The following ZIM2 variants were observed in gnomAD, a reference collection of about 807,000 sequenced individuals.
ZIM2 encodes zinc finger protein 656.
In ZIM2, 14 loss-of-function variants were observed where a neutral mutation model predicts 38.6. That is an observed-to-expected ratio of 0.36 (90% confidence interval 0.24 to 0.57). The LOEUF (loss-of-function observed/expected upper bound fraction) is 0.57. Ranked by LOEUF, ZIM2 falls within the 20% of genes least tolerant of loss-of-function variation. The pLI is 0.81. For synonymous variants in ZIM2, 247 were observed against 245.8 expected, an observed-to-expected ratio of 1.00 and a Z score of -0.04; for missense variants, 680 against 695.1, an observed-to-expected ratio of 0.98 and a Z score of 0.24.
intron 9 of ZIM2, chr19:56,817,192 T>A: frequency 6.2e-7 from 1 of 1,614,214 alleles, no homozygotes; most frequent in South Asian, 1.1e-5. Flanking sequence ...ACTACCACAT[T>A]CAAAGGGCTT....
chr19:56,822,740 G>T lies in ZIM2; in HGVS notation c.190+13C>A. The T allele has an allele frequency of 5.6e-6, 9 of 1,613,768 alleles. No homozygotes were observed. The highest frequency in any genetic ancestry group is 6.8e-6 in the Non-Finnish European group (8 of 1,179,890). On this transcript the variant is annotated intron_variant, in intron 6 of 12. Transcript: ENST00000629319. ...TATATCTCCTACTGGGAAAGAAAGT[G>T]GTTAAGACTCACTGCTTCTTGGGTT...
rs138418082 is a variant in ZIM2, at chr19:56,818,647, T to C, written c.350A>G (p.Asn117Ser). Residue 117 changes from asparagine to serine, a missense_variant, in exon 8 of 13, where the codon AAC becomes AGC. By Grantham distance (46) the Asn-to-Ser change is conservative. Transcript: ENST00000629319. Reference protein sequence around the residue: ...VDLAEDRKPHNTIQDNMENYR... With the variant: ...VDLAEDRKPHSTIQDNMENYR... Reference sequence around the variant, plus strand: ...GTTTTCCATGTTGTCCTGGATTGTGTTGTGAGGTTTCCTGTCCTCAGCGAG... The same window carrying C: ...GTTTTCCATGTTGTCCTGGATTGTGCTGTGAGGTTTCCTGTCCTCAGCGAG... 3,765 of 1,614,212 alleles carry C rather than the reference T, an allele frequency of 2.3e-3. 10 individuals carry two copies. The highest frequency in any genetic ancestry group is 4.1e-3 in the Middle Eastern group (25 of 6,050).
chr19:56,789,732 G>GA, intron 10 of ZIM2, 140 bp downstream of exon 10: 3 of 731,124 alleles, frequency 4.1e-6, no homozygotes, highest in South Asian at 4.5e-5. Flanking sequence ...AGATTAGTCA[G>GA]AAAAAAGGCT....
chr19:56,815,885 C>T (rs767988044), intron 9 of ZIM2: 1 of 1,613,422 alleles, frequency 6.2e-7, no homozygotes, highest in Non-Finnish European at 8.5e-7. Context: ...TTAGATTCCA[C>T]CAATTCATTT....
At chr19:56,785,565 T>A (rs1369707261) in intron 10 of ZIM2, among the ~76,000 whole-genome samples, 1 of 152,154 alleles carries the variant, frequency 6.6e-6, no homozygotes, top group Non-Finnish European at 1.5e-5. Context: ...CTCATAACAG[T>A]ATCATGTCCC....
chr19:56,816,649 C>T (rs767339103), intron 9 of ZIM2: 31 of 1,613,514 alleles, frequency 1.9e-5, no homozygotes, highest in African/African-American at 2.7e-5. Context: ...TTCACGTTCA[C>T]GTTCATGTTC....
At position 56,828,963 on chromosome 19, in the gene ZIM2, T is replaced by TA. The variant is rs570640342; in HGVS notation, c.-226-2501dup. Among the ~76,000 whole-genome samples the TA allele has an allele frequency of 3.0e-4, 45 of 151,876 alleles. No homozygotes were observed. The South Asian group carries it at 6.2e-3, about 21-fold the overall frequency. On this transcript the variant is annotated intron_variant, in intron 2 of 12. Coordinates refer to ENST00000629319, the MANE Select transcript of ZIM2 (RefSeq NM_001387356.1). ...CATTTTGGCCACTGTTTAAAGATAC[T>TA]AAAAAAAACACCTACTTCTTTTGAA... is the stretch of plus-strand genomic sequence containing the variant.
At chr19:56,838,454 G>C (rs543097338) in intron 1 of ZIM2, among the ~76,000 whole-genome samples, 71 of 152,230 alleles carry the variant, frequency 4.7e-4, no homozygotes, top group African/African-American at 1.7e-3. Context: ...GAACGGTCCC[G>C]GGCCCCAGCC....
chr19:56,831,604 A>G (rs2061575831), intron 2 of ZIM2, among the ~76,000 whole-genome samples: 2 of 152,254 alleles, frequency 1.3e-5, no homozygotes, highest in Non-Finnish European at 2.9e-5. Flanking sequence ...ACTGCATCCA[A>G]AAATCAGCAT....
chr19:56,792,256 G>A lies in ZIM2; in HGVS notation c.491-2305C>T, dbSNP rs77346215. On this transcript the variant is annotated intron_variant, in intron 9 of 12. Transcript: ENST00000629319. ...CTAAGCAAATTAACACAGAATCTGC[G>A]GTGGCTCTTGTCTATAATTCCAGCA... Among the ~76,000 whole-genome samples the A allele has an allele frequency of 3.0e-3, 449 of 151,980 alleles. 2 individuals are homozygous for A. Among genetic ancestry groups the A allele is most frequent in the African/African-American group, 9.4e-3 (392 of 41,490 alleles).
chr19:56,780,925 A>G (rs2046303417), intron 11 of ZIM2, among the ~76,000 whole-genome samples: 1 of 152,190 alleles, frequency 6.6e-6, no homozygotes, highest in Non-Finnish European at 1.5e-5. Flanking sequence ...TAGGAAGACA[A>G]TGTCCCAGGT....
chr19:56,779,107 A>T (rs2046182752), intron 12 of ZIM2, among the ~76,000 whole-genome samples: 1 of 151,978 alleles, frequency 6.6e-6, no homozygotes, highest in South Asian at 2.1e-4. Flanking sequence ...AAGAGGAGAG[A>T]TGTATGATGT....
chr19:56,820,842 G>A (rs2060416778), intron 7 of ZIM2, among the ~76,000 whole-genome samples: 1 of 152,210 alleles, frequency 6.6e-6, no homozygotes, highest in Non-Finnish European at 1.5e-5. Flanking sequence ...CCAGGGCCTA[G>A]GCCTGCTTTC....
chr19:56,838,792 C>T (rs892272888), intron 1 of ZIM2, among the ~76,000 whole-genome samples: 1 of 152,224 alleles, frequency 6.6e-6, no homozygotes, highest in Non-Finnish European at 1.5e-5. Flanking sequence ...CCAAGGAGCG[C>T]GGCACTCCAC....
chr19:56,801,358 C>T (rs1209339649), intron 9 of ZIM2, among the ~76,000 whole-genome samples: 2 of 152,290 alleles, frequency 1.3e-5, no homozygotes, highest in Admixed American at 1.3e-4. Flanking sequence ...TCCCTCCTTA[C>T]CAATCCCCTT....
At chr19:56,833,577 G>T in intron 2 of ZIM2, 2 of 185,118 alleles carry the variant, frequency 1.1e-5, no homozygotes, top group Non-Finnish European at 2.3e-5. Context: ...TTCCTTCTAG[G>T]GCAGTGGTTC....
intron 9 of ZIM2, among the ~76,000 whole-genome samples, chr19:56,805,696 T>A (rs1334716706): frequency 1.3e-5 from 2 of 152,168 alleles, no homozygotes; most frequent in African/African-American, 4.8e-5. Flanking sequence ...TGAATCTAAT[T>A]CATAGGAAAA....
chr19:56,805,630 G>A (rs1259328256), intron 9 of ZIM2, among the ~76,000 whole-genome samples: 1 of 152,154 alleles, frequency 6.6e-6, no homozygotes. Flanking sequence ...TAAAACGTGA[G>A]GTCCTGAAAG....
At chr19:56,794,487 C>T (rs2047094010) in intron 9 of ZIM2, among the ~76,000 whole-genome samples, 2 of 152,064 alleles carry the variant, frequency 1.3e-5, no homozygotes, top group South Asian at 4.1e-4. Context: ...TTTTTGTTTT[C>T]CATTAGAAAT....
Sources: allele counts gnomAD v4.1 joint callset (sites outside exome capture counted in the v4.1 genomes callset), GRCh38; gene constraint gnomAD v4.1.1; transcripts MANE v1.5; gene names NCBI Gene and HGNC (gene_info 2026-07-23, HGNC 2026-07-21).